The following FRMD6 variants were observed in gnomAD, a reference collection of about 807,000 sequenced individuals.
The protein encoded by FRMD6 is FERM domain-containing protein 6.
A neutral mutation model predicts 73.2 loss-of-function variants in FRMD6; 37 were observed. The observed-to-expected ratio is 0.51, with a 90% CI of 0.39 to 0.66. The LOEUF (loss-of-function observed/expected upper bound fraction) is 0.66. Ranked by LOEUF, FRMD6 falls within the 30% of genes least tolerant of loss-of-function variation. The pLI is 0.00. For missense variants in FRMD6, 714 were observed against 780.5 expected (o/e 0.91, Z 1.02); for synonymous variants, 273 against 282.2 (o/e 0.97, Z 0.33).
intron 1 of FRMD6, among the ~76,000 whole-genome samples, chr14:51,540,976 G>A (rs1422101166): frequency 6.6e-6 from 1 of 152,076 alleles, no homozygotes; most frequent in African/African-American, 2.4e-5. Flanking sequence ...TAAACACCAT[G>A]CAAGAAGTAC....
At position 51,543,631 on chromosome 14, in the gene FRMD6, G is replaced by T. The variant is rs549360085; in HGVS notation, c.-209-26717G>T. ...CTGTACTCATGGTTTTCACCATCTT[G>T]CAGGACACAAGAACATAGATGCTGA... On this transcript the variant is annotated intron_variant, in intron 1 of 14. Transcript: ENST00000356218. 1.6e-4 allele frequency among the ~76,000 whole-genome samples: 24 copies of T among 152,064 alleles called. No homozygotes were observed. The South Asian group carries it at 3.7e-3, about 24-fold the overall frequency.
chr14:51,589,632 T>A (rs1034984466), intron 2 of FRMD6, among the ~76,000 whole-genome samples: 10 of 152,154 alleles, frequency 6.6e-5, no homozygotes, highest in African/African-American at 2.4e-4. Flanking sequence ...TTACTACCCC[T>A]CTGGTTCTGG....
the FRMD6 span, among the ~76,000 whole-genome samples, chr14:51,402,741 C>G: frequency 1.3e-5 from 2 of 151,810 alleles, no homozygotes; most frequent in Non-Finnish European, 2.9e-5. Flanking sequence ...CGGGTTCACG[C>G]CATTCTCCTG....
intron 1 of FRMD6, among the ~76,000 whole-genome samples, chr14:51,527,242 A>T (rs1273077291): frequency 6.6e-6 from 1 of 152,278 alleles, no homozygotes; most frequent in Non-Finnish European, 1.5e-5. Flanking sequence ...ATTAGTCATC[A>T]CAGCAGAGTT....
upstream of FRMD6, chr14:51,650,714 C>T (rs185632187): frequency 6.6e-6 from 1 of 152,492 alleles, no homozygotes; most frequent in African/African-American, 2.4e-5. Context: ...AAGTTGACTT[C>T]TGAGAGCATC....
chr14:51,663,252 A>G (rs887001662), intron 1 of FRMD6, among the ~76,000 whole-genome samples: 1 of 152,202 alleles, frequency 6.6e-6, no homozygotes, highest in Admixed American at 6.5e-5. Context: ...AGACTCAGCA[A>G]TCCCTACTGG....
At chr14:51,446,631 C>T in the FRMD6 span, among the ~76,000 whole-genome samples, 1 of 152,268 alleles carries the variant, frequency 6.6e-6, no homozygotes, top group Non-Finnish European at 1.5e-5. Flanking sequence ...ATCATGTAGC[C>T]ACTAGTACTC....
chr14:51,698,711 TTCTC>T (rs1896103358), intron 3 of FRMD6, among the ~76,000 whole-genome samples: 1 of 152,034 alleles, frequency 6.6e-6, no homozygotes, highest in South Asian at 2.1e-4. Flanking sequence ...CTCGTACCCC[TTCTC>T]TTTTTTCCAG....
chr14:51,642,994 G>GA (rs1891880400), intron 2 of FRMD6, among the ~76,000 whole-genome samples: 1 of 152,158 alleles, frequency 6.6e-6, no homozygotes, highest in African/African-American at 2.4e-5. Flanking sequence ...TCTGTAGGTG[G>GA]AAAGGACTGA....
At chr14:51,586,902 C>T (rs1411852406) in intron 2 of FRMD6, among the ~76,000 whole-genome samples, 1 of 152,172 alleles carries the variant, frequency 6.6e-6, no homozygotes, top group Non-Finnish European at 1.5e-5. Flanking sequence ...CACCACCACA[C>T]TCAGCTAATT....
intron 2 of FRMD6, among the ~76,000 whole-genome samples, chr14:51,585,787 C>CT (rs1888992498): frequency 6.6e-6 from 1 of 151,284 alleles, no homozygotes; most frequent in Non-Finnish European, 1.5e-5. Context: ...TTACCTCCCA[C>CT]TTGTGAGTGA....
chr14:51,457,859 G>A, the FRMD6 span, among the ~76,000 whole-genome samples: 1 of 152,196 alleles, frequency 6.6e-6, no homozygotes, highest in African/African-American at 2.4e-5. Flanking sequence ...AGCACCTATT[G>A]CATGAATGCC....
At chr14:51,649,322 A>G (rs1367880528), upstream of FRMD6, among the ~76,000 whole-genome samples, 1 of 152,158 alleles carries the variant, frequency 6.6e-6, no homozygotes, top group Non-Finnish European at 1.5e-5. Flanking sequence ...TCACATAGTG[A>G]ATTTTCCTAC....
intron 1 of FRMD6, among the ~76,000 whole-genome samples, chr14:51,552,880 C>T (rs1030014380): frequency 3.3e-5 from 5 of 152,108 alleles, no homozygotes; most frequent in Admixed American, 6.5e-5. Context: ...CTCAAGGGTG[C>T]GACACGTTGC....
intron 1 of FRMD6, among the ~76,000 whole-genome samples, chr14:51,523,503 C>T (rs1421062292): frequency 1.3e-5 from 2 of 152,192 alleles, no homozygotes; most frequent in Non-Finnish European, 2.9e-5. Flanking sequence ...GCTATGAACT[C>T]AAAGACAGAA....
intron 2 of FRMD6, among the ~76,000 whole-genome samples, chr14:51,596,844 T>G (rs537144617): frequency 3.7e-4 from 57 of 152,286 alleles, no homozygotes; most frequent in African/African-American, 1.2e-3. Flanking sequence ...AGAGAAGCCA[T>G]GCAATGACCA....
At chr14:51,579,461 C>T (rs961881864) in intron 2 of FRMD6, among the ~76,000 whole-genome samples, 7 of 152,190 alleles carry the variant, frequency 4.6e-5, no homozygotes, top group African/African-American at 7.2e-5. Flanking sequence ...TTGACACCCC[C>T]TCATATCCAT....
intron 2 of FRMD6, among the ~76,000 whole-genome samples, chr14:51,605,481 C>T (rs1262683239): frequency 6.6e-6 from 1 of 152,092 alleles, no homozygotes; most frequent in South Asian, 2.1e-4. Flanking sequence ...AGAAATCATT[C>T]TTTCTTAATG....
chr14:51,638,192 G>A (rs1357245216), intron 2 of FRMD6, among the ~76,000 whole-genome samples: 1 of 152,146 alleles, frequency 6.6e-6, no homozygotes, highest in Non-Finnish European at 1.5e-5. Flanking sequence ...GCTGAGGTGG[G>A]GGGATCACGA....
Sources: allele counts gnomAD v4.1 joint callset (sites outside exome capture counted in the v4.1 genomes callset), GRCh38; gene constraint gnomAD v4.1.1; transcripts MANE v1.5; gene names NCBI Gene and HGNC (gene_info 2026-07-23, HGNC 2026-07-21).